Variants in SUCO observed in about 807,000 individuals in gnomAD.
The protein encoded by SUCO is SUN domain-containing ossification factor.
A neutral mutation model predicts 148.1 loss-of-function variants in SUCO; 57 were observed. That is an observed-to-expected ratio of 0.38 (90% CI 0.31 to 0.48). The LOEUF is 0.48. Among genes scored for constraint, SUCO ranks in the 20% least tolerant of loss-of-function variants. SUCO has a pLI of 0.96. For missense variants in SUCO, 1,331 were observed against 1,468.2 expected, an observed-to-expected ratio of 0.91 and a Z score of 1.53; for synonymous variants, 470 against 502.7, an observed-to-expected ratio of 0.93 and a Z score of 0.87.
rs367715759 is a variant in SUCO at position 172,589,541 on chromosome 1, A to T, written c.2440A>T (p.Met814Leu). Residue 814 changes from methionine to leucine, a missense_variant, in exon 18 of 24, where the codon ATG (methionine) becomes TTG (leucine). This residue lies in a region of SUCO where 992 missense variants were observed against 1,093.5 expected (regional missense o/e 0.91). Coordinates refer to ENST00000263688, the MANE Select transcript of SUCO (RefSeq NM_014283.5). ...DNIIKEDVNS[M>L]QIFTKLSETI... ...TATTATAAAAGAAGATGTGAACTCC[A>T]TGCAAATTTTCACAAAGCTGTCTGA... is the stretch of plus-strand genomic sequence containing the variant. 2 of 1,613,690 alleles carry T rather than the reference A, an allele frequency of 1.2e-6. No individual in the cohort carries two copies. The highest frequency in any genetic ancestry group is 2.2e-5 in the East Asian group (1 of 44,874).
At chr1:172,533,019 C>T, upstream of SUCO, 1 of 1,426,288 alleles carries the variant, frequency 7.0e-7, no homozygotes, top group Non-Finnish European at 9.2e-7. Flanking sequence ...ACTTGGGTGA[C>T]GCGTCCCTTT....
At chr1:172,533,031 C>T (rs1008423605), upstream of SUCO, 5 of 1,432,900 alleles carry the variant, frequency 3.5e-6, no homozygotes, top group South Asian at 3.0e-5. Flanking sequence ...CGTCCCTTTC[C>T]AGCTCAGCGG....
rs895188871 is a variant in SUCO at position 172,610,792 on chromosome 1, A to C, written c.*533A>C. 6.6e-6 allele frequency: 1 copy of C among 152,666 alleles called. No homozygotes were observed. Among genetic ancestry groups the C allele is most frequent in the South Asian group, 2.1e-4 (1 of 4,834 alleles). 9.5% of individuals were successfully genotyped at this position (152,666 alleles called of 1,614,324 possible). A position where few individuals can be genotyped will look rare whatever the true frequency, so the allele number is the denominator to read the frequency against. ...GGATCAGACAGTCTAAAGATCCTAA[A>C]AACTTGCCAACTGGATCTTTGTTTA... On this transcript the variant is annotated 3_prime_UTR_variant, in exon 24 of 24. Transcript: ENST00000263688.
rs375313397 is a variant in SUCO, at chr1:172,570,120, T to C, written c.930T>C (p.Tyr310=). The C allele has an allele frequency of 6.9e-6, 11 of 1,594,878 alleles. No homozygotes were observed. In the African/African-American group the frequency reaches 1.2e-4, roughly 18 times the overall value. ...AGGTCCAGAAAAATCGAAATAATTA[T>C]GCCTCAGTAGAATGTGGTGCCAAAA... ...TKKVQKNRNN[Y]ASVECGAKIL... The change falls in exon 8 of 24, where the codon TAT becomes TAC. Residue 310 remains tyrosine (Y), a synonymous_variant. Coordinates refer to ENST00000263688, the MANE Select transcript of SUCO (RefSeq NM_014283.5).
chr1:172,595,718 T>G (rs1189953792), intron 19 of SUCO, among the ~76,000 whole-genome samples: 8 of 152,222 alleles, frequency 5.3e-5, no homozygotes, highest in African/African-American at 1.9e-4. Flanking sequence ...TATTTTTTCC[T>G]TCATTTCAAC....
Position 172,600,111 on chromosome 1 carries a change from C to T in SUCO, c.2961C>T (p.Thr987=). Residue 987 remains threonine, a synonymous_variant, in exon 20 of 24, where the codon ACC becomes ACT. Transcript: ENST00000263688. ...TCCAGTTGCTACAGGCACAGCTGAC[C>T]AACATGACACAGCTTGTTTCAAATT... is the stretch of plus-strand genomic sequence containing the variant. ...EAIQLLQAQL[T]NMTQLVSNLS... is the part of the protein sequence containing the mutation. The T allele has an allele frequency of 6.2e-7, 1 of 1,610,596 alleles. No individual in the cohort carries two copies. Among genetic ancestry groups the T allele is most frequent in the Non-Finnish European group, 8.5e-7 (1 of 1,179,384 alleles).
chr1:172,589,395 T>C lies in SUCO; in HGVS notation c.2294T>C (p.Ile765Thr). The change falls in exon 18 of 24, where the codon ATT becomes ACT. Residue 765 changes from isoleucine to threonine, a missense_variant. Around this residue, in one of 3 missense-constraint regions of SUCO, gnomAD observed 992 missense variants for 1,093.5 expected, o/e 0.91. Coordinates refer to ENST00000263688, the MANE Select transcript of SUCO (RefSeq NM_014283.5). ...YEAGHIPSPV[I>T]PQESSVEIDN... The stretch of plus-strand genomic sequence containing the variant: ...GCAGGACATATACCATCACCAGTGA[T>C]TCCCCAAGAGAGTTCTGTTGAGATC... 1 of 1,613,792 alleles carries C rather than the reference T, an allele frequency of 6.2e-7. No homozygotes were observed. Among genetic ancestry groups the C allele is most frequent in the Non-Finnish European group, 8.5e-7 (1 of 1,179,868 alleles).
chr1:172,534,423 T>A (rs925614029), intron 1 of SUCO, among the ~76,000 whole-genome samples: 9 of 152,270 alleles, frequency 5.9e-5, no homozygotes, highest in Non-Finnish European at 1.3e-4. Flanking sequence ...TTAAGTTTCC[T>A]GTTTTGCTTA....
At chr1:172,554,021 A>G (rs953689052) in intron 3 of SUCO, among the ~76,000 whole-genome samples, 1 of 152,352 alleles carries the variant, frequency 6.6e-6, no homozygotes, top group Admixed American at 6.5e-5. Context: ...TAAAAAAAGA[A>G]CACACATTTC....
chr1:172,538,997 C>G (rs1459675812), intron 1 of SUCO, among the ~76,000 whole-genome samples: 1 of 152,080 alleles, frequency 6.6e-6, no homozygotes, highest in Non-Finnish European at 1.5e-5. Context: ...TGAGGATATA[C>G]TGGAATGGAA....
Position 172,560,700 on chromosome 1 carries a change from A to T in SUCO, c.732+2906A>T, listed in dbSNP as rs73034012. ...GAAGGGGCAAGAGTGGCTAACATGTATTCACCTCAGTTCCAAGTTTTGATA... is the reference window on the plus strand; with the variant it reads ...GAAGGGGCAAGAGTGGCTAACATGTTTTCACCTCAGTTCCAAGTTTTGATA... On this transcript the variant is annotated intron_variant, in intron 6 of 23. Transcript: ENST00000263688. Among the ~76,000 whole-genome samples the T allele has an allele frequency of 1.9e-3, 294 of 152,320 alleles. 2 individuals are homozygous for T. The highest frequency in any genetic ancestry group is 6.8e-3 in the African/African-American group (282 of 41,574).
intron 12 of SUCO, 44 bp downstream of exon 12, chr1:172,577,603 C>G: frequency 6.3e-7 from 1 of 1,599,434 alleles, no homozygotes; most frequent in Non-Finnish European, 8.5e-7. Context: ...CAGGGCATGG[C>G]GTATTAATGC....
chr1:172,563,552 G>A (rs1218342390), intron 6 of SUCO, among the ~76,000 whole-genome samples: 1 of 152,226 alleles, frequency 6.6e-6, no homozygotes, highest in Non-Finnish European at 1.5e-5. Flanking sequence ...TTTCTAGGCA[G>A]TAAAGTATTC....
In SUCO at chr1:172,602,093, A is replaced by C; in HGVS notation, c.3048A>C (p.Ile1016=). The C allele has an allele frequency of 6.2e-7, 1 of 1,612,286 alleles. No homozygotes were observed. The change falls in exon 21 of 24, where the codon ATA becomes ATC. Residue 1016 remains isoleucine (I), a synonymous_variant. Transcript: ENST00000263688. ...EVSDRQSYLV[I]SLVLCVVLGL... The stretch of plus-strand genomic sequence containing the variant: ...CAGATCGACAAAGCTATCTTGTCAT[A>C]TCTTTGGTTCTTTGTGTTGTCTTGG...
At chr1:172,578,039 A>C (rs1655587883) in intron 13 of SUCO, among the ~76,000 whole-genome samples, 1 of 151,754 alleles carries the variant, frequency 6.6e-6, no homozygotes, top group Admixed American at 6.6e-5. Flanking sequence ...CTTGCTTGCT[A>C]TTTTGCTATG....
At chr1:172,546,641 G>T (rs1488289492) in intron 1 of SUCO, among the ~76,000 whole-genome samples, 2 of 152,184 alleles carry the variant, frequency 1.3e-5, no homozygotes, top group Non-Finnish European at 2.9e-5. Flanking sequence ...AGGCACAGTG[G>T]CTCACACCTG....
At chr1:172,558,635 T>C (rs1653919240) in intron 6 of SUCO, among the ~76,000 whole-genome samples, 1 of 152,308 alleles carries the variant, frequency 6.6e-6, no homozygotes, top group East Asian at 1.9e-4. Context: ...CGGGACCAAC[T>C]GTTTTGACGA....
chr1:172,547,343 C>A (rs570818567), intron 1 of SUCO, among the ~76,000 whole-genome samples: 39 of 152,294 alleles, frequency 2.6e-4, no homozygotes, highest in African/African-American at 8.9e-4. Context: ...GTAAAAACTA[C>A]TATGGACATT....
chr1:172,601,157 G>T (rs1657493695), intron 20 of SUCO, among the ~76,000 whole-genome samples: 1 of 152,132 alleles, frequency 6.6e-6, no homozygotes, highest in Non-Finnish European at 1.5e-5. Flanking sequence ...CTGCCTGTTG[G>T]GGAACAGCAG....
Sources: allele counts gnomAD v4.1 joint callset (sites outside exome capture counted in the v4.1 genomes callset), GRCh38; gene constraint gnomAD v4.1.1; regional missense constraint gnomAD v4.1.1; transcripts MANE v1.5; gene names NCBI Gene and HGNC (gene_info 2026-07-23, HGNC 2026-07-21).